CDH15: variants seen among roughly 807,000 people sequenced by gnomAD.
CDH15 encodes the protein cadherin 15, also known as cadherin-15.
A neutral mutation model predicts 69.4 loss-of-function variants in CDH15; 73 were observed. The observed-to-expected ratio is 1.05, with a 90% confidence interval of 0.87 to 1.28. The LOEUF (loss-of-function observed/expected upper bound fraction) is 1.28, where lower values mean the gene tolerates loss of function less well. CDH15 is among the 50% of genes most tolerant of loss of function. The pLI, the probability that CDH15 is intolerant of heterozygous loss-of-function variation, is 0.00. For missense variants in CDH15, 1,343 were observed against 1,133.6 expected (o/e 1.18, Z -2.65); for synonymous variants, 624 against 507.7 (o/e 1.23, Z -3.08).
rs947419521 is a variant in CDH15 at position 89,193,985 on chromosome 16, C to G, written c.2151+72C>G. Reference sequence around the variant, plus strand: ...GCACACACACATGCACATGTACACACCTGCACATGCATGCAAGAACCGGCG... The same window carrying G: ...GCACACACACATGCACATGTACACAGCTGCACATGCATGCAAGAACCGGCG... On this transcript the variant is annotated intron_variant, in intron 13 of 13. Coordinates refer to ENST00000289746, the MANE Select transcript of CDH15 (RefSeq NM_004933.3). The G allele has an allele frequency of 1.5e-5, 23 of 1,497,092 alleles. No individual in the cohort carries two copies. The African/African-American group carries it at 3.0e-4, about 20-fold the overall frequency. The allele number at this position is 1,497,092 out of a possible 1,614,324, so 92.7% of individuals were successfully genotyped here. A position where few individuals can be genotyped will look rare whatever the true frequency, so the allele number is the denominator to read the frequency against.
rs1212333576 is a variant in CDH15 at position 89,191,718 on chromosome 16, C to A, written c.1439C>A (p.Ala480Glu). 6.2e-7 allele frequency: 1 copy of A among 1,603,646 alleles called. No individual in the cohort carries two copies. Among genetic ancestry groups the A allele is most frequent in the Non-Finnish European group, 8.5e-7 (1 of 1,178,866 alleles). Residue 480 changes from alanine to glutamate, a missense_variant, in exon 10 of 14, where the codon GCA becomes GAA. By Grantham distance (107) the Ala-to-Glu change is moderately radical (BLOSUM62 -1). Coordinates refer to ENST00000289746, the MANE Select transcript of CDH15 (RefSeq NM_004933.3). ...GAGATCCTGGAGGTGAACGACCATG[C>A]ACCTGTGCTGGCCCCGCCGCCGCCG... is the stretch of plus-strand genomic sequence containing the variant. ...SIEILEVNDH[A>E]PVLAPPPPGS...
chr16:89,177,575 CGGGGAGAGGGCACAGGGGAT>C (rs1330809628), intron 1 of CDH15, among the ~76,000 whole-genome samples: 2 of 151,874 alleles, frequency 1.3e-5, no homozygotes, highest in Non-Finnish European at 2.9e-5. Context: ...GCACAGGGGA[CGGGGAGAGGGCACAGGGGAT>C]GGGAGAGGGC....
At chr16:89,176,313 G>C (rs1915254037) in intron 1 of CDH15, among the ~76,000 whole-genome samples, 1 of 152,232 alleles carries the variant, frequency 6.6e-6, no homozygotes, top group Admixed American at 6.5e-5. Flanking sequence ...GGGCTGAGGA[G>C]AGCGGGCAGC....
At chr16:89,186,701 C>T (rs1170072857) in intron 5 of CDH15, among the ~76,000 whole-genome samples, 2 of 147,810 alleles carry the variant, frequency 1.4e-5, no homozygotes, top group African/African-American at 5.0e-5. Flanking sequence ...TCTGTGAACA[C>T]CCAGCGCACA....
chr16:89,171,806 C>A lies in CDH15; in HGVS notation c.-26C>A. The A allele has an allele frequency of 6.5e-7, 1 of 1,547,580 alleles. No individual in the cohort carries two copies. Among genetic ancestry groups the A allele is most frequent in the Non-Finnish European group, 8.7e-7 (1 of 1,149,602 alleles). On this transcript the variant is annotated 5_prime_UTR_variant, in exon 1 of 14. Coordinates refer to ENST00000289746, the MANE Select transcript of CDH15 (RefSeq NM_004933.3). Reference sequence around the variant, plus strand: ...CGCTTCTTCGGGTCGCGGGTGCACTCCGGCCCGGCTCCCGCCTCGGCCCCG... The same window carrying A: ...CGCTTCTTCGGGTCGCGGGTGCACTACGGCCCGGCTCCCGCCTCGGCCCCG...
chr16:89,172,248 T>TG (rs1915172961), intron 1 of CDH15, among the ~76,000 whole-genome samples: 1 of 151,790 alleles, frequency 6.6e-6, no homozygotes, highest in Non-Finnish European at 1.5e-5. Flanking sequence ...TGCCCCTCTC[T>TG]GGGGGGCTGG....
At chr16:89,188,314 G>A (rs1253165248) in intron 7 of CDH15, 29 bp downstream of exon 7, 1 of 1,599,258 alleles carries the variant, frequency 6.3e-7, no homozygotes, top group African/African-American at 1.3e-5. Flanking sequence ...GCACACAGAT[G>A]CCGGCAGACG....
rs370239263 is a variant in CDH15 at position 89,180,284 on chromosome 16, T to G, written c.286T>G (p.Ser96Ala). 6.2e-7 allele frequency: 1 copy of G among 1,611,530 alleles called. No homozygotes were observed. The highest frequency in any genetic ancestry group is 8.5e-7 in the Non-Finnish European group (1 of 1,179,050). ...GVDEEPRGVF[S>A]IDKFTGKVFL... ...GGATGAGGAGCCCCGGGGCGTCTTCTCTATCGACAAGTTCACAGGGAAGGT... is the reference window on the plus strand; with the variant it reads ...GGATGAGGAGCCCCGGGGCGTCTTCGCTATCGACAAGTTCACAGGGAAGGT... The change falls in exon 3 of 14, where the codon TCT (serine) becomes GCT (alanine). Residue 96 changes from serine to alanine, a missense_variant. By Grantham distance (99) the Ser-to-Ala change is moderately conservative. Transcript: ENST00000289746.
chr16:89,187,340 T>A, intron 5 of CDH15, 89 bp from the exon 6 acceptor site: 1 of 1,526,908 alleles, frequency 6.5e-7, no homozygotes, highest in South Asian at 1.1e-5. Context: ...GGAACTGAGC[T>A]GGCCAGGTGG....
rs1204132559 is a variant in CDH15, at chr16:89,191,323, G to A, written c.1233-7G>A. On this transcript the variant is annotated splice_region_variant and splice_polypyrimidine_tract_variant and intron_variant, in intron 8 of 13. Coordinates refer to ENST00000289746, the MANE Select transcript of CDH15 (RefSeq NM_004933.3). ...TCAGATCCCACTCTTCCCCTCCCCT[G>A]CATCAGCTACTCCAAGGACTACGAC... is the stretch of plus-strand genomic sequence containing the variant. 1 of 1,612,738 alleles carries A rather than the reference G, an allele frequency of 6.2e-7. No individual in the cohort carries two copies. The highest frequency in any genetic ancestry group is 1.1e-5 in the South Asian group (1 of 91,084).
intron 13 of CDH15, among the ~76,000 whole-genome samples, chr16:89,194,339 G>C (rs1180860532): frequency 6.6e-6 from 1 of 152,200 alleles, no homozygotes; most frequent in Non-Finnish European, 1.5e-5. Flanking sequence ...TGGGGTGTGG[G>C]GCGCACAGGG....
chr16:89,184,376 C>T (rs1915436916), intron 4 of CDH15, among the ~76,000 whole-genome samples: 1 of 152,204 alleles, frequency 6.6e-6, no homozygotes, highest in Non-Finnish European at 1.5e-5. Context: ...TCCCACCCCA[C>T]CTCGGTGGCT....
Position 89,179,501 on chromosome 16 carries a change from T to C in CDH15, c.128T>C (p.Val43Ala). Residue 43 changes from valine (V) to alanine (A), a missense_variant, in exon 2 of 14, where the codon GTG (valine) becomes GCG (alanine). By Grantham distance (64) the Val-to-Ala change is moderately conservative. Coordinates refer to ENST00000289746, the MANE Select transcript of CDH15 (RefSeq NM_004933.3). ...PWRRAPALSR[V>A]RRAWVIPPIS... ...CGCCGGGCGCCTGCCCTGAGCCGCGTGCGGAGGGCCTGGGTCATCCCCCCG... is the reference window on the plus strand; with the variant it reads ...CGCCGGGCGCCTGCCCTGAGCCGCGCGCGGAGGGCCTGGGTCATCCCCCCG... The C allele has an allele frequency of 6.2e-7, 1 of 1,613,276 alleles. No homozygotes were observed.
chr16:89,173,304 C>T (rs1248224545), intron 1 of CDH15, among the ~76,000 whole-genome samples: 1 of 152,198 alleles, frequency 6.6e-6, no homozygotes, highest in Non-Finnish European at 1.5e-5. Context: ...GGTGGGGAGG[C>T]TGGCGCCTGT....
At chr16:89,194,122 C>T (rs989760727) in intron 13 of CDH15, among the ~76,000 whole-genome samples, 7 of 152,244 alleles carry the variant, frequency 4.6e-5, no homozygotes, top group Middle Eastern at 3.2e-3. Flanking sequence ...CCTCCACCCG[C>T]GACGCGGGTC....
rs746621781 is a variant in CDH15, at chr16:89,191,667, G to T, written c.1388G>T (p.Arg463Leu). 1.9e-6 allele frequency: 3 copies of T among 1,591,636 alleles called. No homozygotes were observed. The highest frequency in any genetic ancestry group is 4.5e-5 in the East Asian group (2 of 44,208). ...TCCTCGCCTGCAGCCTCCCAGCCCC[G>T]CACCGCCACCGGCACCCTGTCCATC... ...VLAQDDASQP[R>L]TATGTLSIEI... Residue 463 changes from arginine (R) to leucine (L), a missense_variant, in exon 10 of 14, where the codon CGC becomes CTC. Coordinates refer to ENST00000289746, the MANE Select transcript of CDH15 (RefSeq NM_004933.3).
intron 1 of CDH15, among the ~76,000 whole-genome samples, 156 bp from the exon 2 acceptor site, chr16:89,179,260 G>C (rs544141597): frequency 2.0e-5 from 3 of 152,218 alleles, no homozygotes; most frequent in Admixed American, 2.0e-4. Context: ...ACGCAGCCCC[G>C]TGTGTGGAAG....
intron 11 of CDH15, 61 bp downstream of exon 11, chr16:89,192,505 G>T (rs758568874): frequency 1.3e-3 from 1,967 of 1,538,828 alleles, no homozygotes; most frequent in Non-Finnish European, 1.6e-3. Flanking sequence ...TCCCCAGGCC[G>T]TCCCCTGCTA....
chr16:89,181,369 C>T (rs1319057483), intron 3 of CDH15, among the ~76,000 whole-genome samples: 6 of 152,004 alleles, frequency 3.9e-5, no homozygotes, highest in Admixed American at 1.3e-4. Context: ...CCCAGCACTT[C>T]GGGAGGCTGA....
Sources: gnomAD v4.1 joint callset for allele counts (sites outside exome capture counted in the v4.1 genomes callset) on GRCh38, gnomAD v4.1.1 for gene constraint, MANE v1.5 for transcripts, NCBI Gene and HGNC (gene_info 2026-07-23, HGNC 2026-07-21) for gene names.